The following SOS2 variants were observed in gnomAD, a reference collection of about 807,000 sequenced individuals.
The protein encoded by SOS2 is SOS Ras/Rho guanine nucleotide exchange factor 2.
Under a neutral mutation model 148.2 loss-of-function variants are expected in SOS2, and 65 were observed. That is an observed-to-expected ratio of 0.44 (90% CI 0.36 to 0.54). SOS2 has a LOEUF of 0.54. SOS2 is among the 20% of genes least tolerant of loss of function. The pLI, the probability that SOS2 is intolerant of heterozygous loss-of-function variation, is 0.00. For synonymous variants in SOS2, 539 were observed against 537.1 expected, an observed-to-expected ratio of 1.00 and a Z score of -0.05; for missense variants, 1,341 against 1,590.2, an observed-to-expected ratio of 0.84 and a Z score of 2.67.
At chr14:50,150,285 A>G in intron 13 of SOS2, 55 bp from the exon 14 acceptor site, 1 of 1,161,628 alleles carries the variant, frequency 8.6e-7, no homozygotes, top group Non-Finnish European at 1.3e-6. Context: ...CATGACTGCA[A>G]ATCTTCATTT....
intron 18 of SOS2, among the ~76,000 whole-genome samples, chr14:50,134,556 C>T (rs949265957): frequency 6.6e-6 from 1 of 152,096 alleles, no homozygotes; most frequent in African/African-American, 2.4e-5. Flanking sequence ...TTTACTCCTA[C>T]TCATTGTAAC....
At chr14:50,158,690 C>T in intron 10 of SOS2, 44 bp from the exon 11 acceptor site, 1 of 1,246,138 alleles carries the variant, frequency 8.0e-7, no homozygotes, top group East Asian at 2.4e-5. Context: ...TTAATGTATT[C>T]AGTTTAATTA....
chr14:50,169,877 T>G (rs1885304049), intron 8 of SOS2, among the ~76,000 whole-genome samples: 1 of 152,012 alleles, frequency 6.6e-6, no homozygotes, highest in Non-Finnish European at 1.5e-5. Flanking sequence ...CCCCATAAGG[T>G]TGATCACAAA....
chr14:50,200,993 G>A lies in SOS2; in HGVS notation c.305C>T (p.Pro102Leu). 6 of 1,613,940 alleles carry A rather than the reference G, an allele frequency of 3.7e-6. No individual in the cohort carries two copies. Among genetic ancestry groups the A allele is most frequent in the East Asian group, 2.2e-5 (1 of 44,858 alleles). ...GATTTTGTCCACAGGCAGTAAAAGA[G>A]GATTTCTTCGTTTTCGTTTTTCTAT... Reference protein sequence around the residue: ...SAIEKRKRRNPLLLPVDKIHP... With the variant: ...SAIEKRKRRNLLLLPVDKIHP... Residue 102 changes from proline to leucine, a missense_variant, in exon 3 of 23, where the codon CCT becomes CTT. Around this residue, in one of 4 missense-constraint regions of SOS2, gnomAD observed 574 missense variants for 711.1 expected, o/e 0.81. Coordinates refer to ENST00000216373, the MANE Select transcript of SOS2 (RefSeq NM_006939.4).
chr14:50,187,521 T>C (rs955518214), intron 5 of SOS2, among the ~76,000 whole-genome samples: 2 of 151,914 alleles, frequency 1.3e-5, no homozygotes, highest in African/African-American at 4.8e-5. Flanking sequence ...CTAACTTTTT[T>C]GTATTTTTTA....
At chr14:50,223,725 G>T (rs147311810) in intron 1 of SOS2, among the ~76,000 whole-genome samples, 7 of 152,080 alleles carry the variant, frequency 4.6e-5, no homozygotes, top group Middle Eastern at 6.8e-3. Flanking sequence ...CACACCTGTA[G>T]TCCCAGCTAT....
chr14:50,162,712 A>T (rs1303906410), intron 8 of SOS2, among the ~76,000 whole-genome samples: 1 of 152,188 alleles, frequency 6.6e-6, no homozygotes, highest in African/African-American at 2.4e-5. Context: ...TGAAATGTCA[A>T]GAAACCATGA....
At position 50,224,304 on chromosome 14, in the gene SOS2, A is replaced by AAATAT. The variant is rs1243000778; in HGVS notation, c.87+6892_87+6893insATATT. ...AGACTCCGTCTCAGGAAAAAAAAAAAATATATATATACACACACACACACA... is the reference window on the plus strand; with the variant it reads ...AGACTCCGTCTCAGGAAAAAAAAAAAAATATATATATATATACACACACACACACA... On this transcript the variant is annotated intron_variant, in intron 1 of 22. Coordinates refer to ENST00000216373, the MANE Select transcript of SOS2 (RefSeq NM_006939.4). Among the ~76,000 whole-genome samples the AAATAT allele has an allele frequency of 9.5e-3, 593 of 62,614 alleles. 14 individuals are homozygous for AAATAT. Among genetic ancestry groups the AAATAT allele is most frequent in the African/African-American group, 0.035 (573 of 16,422 alleles). 41.1% of individuals were successfully genotyped at this position (62,614 alleles called of 152,430 possible).
At chr14:50,132,347 T>C (rs191877366) in intron 19 of SOS2, among the ~76,000 whole-genome samples, 65 of 129,834 alleles carry the variant, frequency 5.0e-4, no homozygotes, top group African/African-American at 2.0e-3. Flanking sequence ...CAAGACTCTA[T>C]TGCCATTAAA....
chr14:50,174,916 G>C (rs961665048), intron 7 of SOS2, among the ~76,000 whole-genome samples: 1 of 152,156 alleles, frequency 6.6e-6, no homozygotes, highest in African/African-American at 2.4e-5. Context: ...ATGCATTTCA[G>C]GGAATGCTGT....
rs778331002 is a variant in SOS2 at position 50,188,635 on chromosome 14, A to C, written c.576T>G (p.Ser192Arg). 1.2e-6 allele frequency: 2 copies of C among 1,611,294 alleles called. No individual in the cohort carries two copies. Among genetic ancestry groups the C allele is most frequent in the South Asian group, 1.1e-5 (1 of 90,680 alleles). ...CATAGTAGTTTAATTCACCAGAAGA[A>C]CTAGGTTCATCTTCACAGAGAGAAA... ...GLVSLCEDEP[S>R]SSGELNYYDL... is the part of the protein sequence containing the mutation. The change falls in exon 5 of 23, where the codon AGT becomes AGG. Residue 192 changes from serine (S) to arginine (R), a missense_variant. Coordinates refer to ENST00000216373, the MANE Select transcript of SOS2 (RefSeq NM_006939.4).
chr14:50,188,818 T>C, intron 4 of SOS2, 118 bp from the exon 5 acceptor site: 1 of 691,174 alleles, frequency 1.4e-6, no homozygotes, highest in Non-Finnish European at 2.3e-6. Flanking sequence ...ATCCCAGCAC[T>C]TTGGGAGGCC....
At chr14:50,202,080 A>C (rs1372943681) in intron 2 of SOS2, among the ~76,000 whole-genome samples, 1 of 152,092 alleles carries the variant, frequency 6.6e-6, no homozygotes, top group African/African-American at 2.4e-5. Flanking sequence ...CTCCCACCTC[A>C]GCATCCCGAG....
chr14:50,175,850 A>T (rs1280086832), intron 7 of SOS2, among the ~76,000 whole-genome samples: 1 of 152,200 alleles, frequency 6.6e-6, no homozygotes, highest in Non-Finnish European at 1.5e-5. Flanking sequence ...CATAAATATT[A>T]CCATAATTTT....
intron 8 of SOS2, among the ~76,000 whole-genome samples, chr14:50,172,803 G>A (rs1277847221): frequency 6.6e-6 from 1 of 152,032 alleles, no homozygotes; most frequent in Non-Finnish European, 1.5e-5. Flanking sequence ...AATTTCCCTT[G>A]ATCTTTTAAA....
chr14:50,145,137 G>A (rs771334022), intron 16 of SOS2, 33 bp downstream of exon 16: 58 of 1,286,576 alleles, frequency 4.5e-5, no homozygotes, highest in Non-Finnish European at 5.4e-5. Flanking sequence ...CATCATCCCC[G>A]AGAAAAATGA....
intron 19 of SOS2, among the ~76,000 whole-genome samples, chr14:50,132,354 TAAAAAAAAAAAA>T (rs886376742): frequency 3.2e-5 from 2 of 62,980 alleles, no homozygotes; most frequent in Non-Finnish European, 5.7e-5. Flanking sequence ...CTATTGCCAT[TAAAAAAAAAAAA>T]AAAAAAAAAA....
intron 21 of SOS2, among the ~76,000 whole-genome samples, chr14:50,121,620 G>C (rs758852645): frequency 4.7e-5 from 7 of 149,696 alleles, no homozygotes; most frequent in Non-Finnish European, 8.9e-5. Context: ...AGGTTAGGCA[G>C]AGGATGTTCC....
rs1042260371 is a variant in SOS2 at position 50,231,356 on chromosome 14, GGCCGCCTCGCCTCGCCGGCGGCC to G, written c.-96_-74del. The G allele has an allele frequency of 7.6e-5, 49 of 643,746 alleles. No homozygotes were observed. The Admixed American group carries it at 1.1e-3, about 15-fold the overall frequency. 39.9% of individuals were successfully genotyped at this position (643,746 alleles called of 1,614,324 possible). A position where few individuals can be genotyped will look rare whatever the true frequency, so the allele number is the denominator to read the frequency against. ...CCGGTGGCCTGACAGGCAGGGCGCGGGCCGCCTCGCCTCGCCGGCGGCCGCCGCCTCCCGCCCGGGCCGAGGCT... is the reference window on the plus strand; with the variant it reads ...CCGGTGGCCTGACAGGCAGGGCGCGGGCCGCCTCCCGCCCGGGCCGAGGCT... On this transcript the variant is annotated 5_prime_UTR_variant, in exon 1 of 23. Transcript: ENST00000216373.
Sources: gnomAD v4.1 joint callset for allele counts (sites outside exome capture counted in the v4.1 genomes callset) on GRCh38, gnomAD v4.1.1 for gene constraint, gnomAD v4.1.1 regional missense constraint, MANE v1.5 for transcripts, NCBI Gene and HGNC (gene_info 2026-07-23, HGNC 2026-07-21) for gene names.